The following SESTD1 variants were observed in gnomAD, a reference collection of about 807,000 sequenced individuals.
SESTD1 encodes SEC14 domain and spectrin repeat-containing protein 1.
Under a neutral mutation model 101.7 loss-of-function variants are expected in SESTD1, and 43 were observed. The observed-to-expected ratio is 0.42, with a 90% CI of 0.33 to 0.55. SESTD1 has a LOEUF of 0.55. Ranked by LOEUF, SESTD1 falls within the 20% of genes least tolerant of loss-of-function variation. The pLI is 0.07. For missense variants in SESTD1, 647 were observed against 815.1 expected (o/e 0.79, Z 2.51); for synonymous variants, 283 against 286.8 (o/e 0.99, Z 0.13).
chr2:179,148,359 A>G (rs749354288), intron 7 of SESTD1, among the ~76,000 whole-genome samples: 3 of 152,202 alleles, frequency 2.0e-5, no homozygotes, highest in Non-Finnish European at 4.4e-5. Flanking sequence ...TTTGCTTGCT[A>G]AAGTGCTTTT....
At chr2:179,227,077 GA>G (rs2046898066) in intron 1 of SESTD1, among the ~76,000 whole-genome samples, 1 of 152,188 alleles carries the variant, frequency 6.6e-6, no homozygotes, top group Non-Finnish European at 1.5e-5. Context: ...TATGAATGAA[GA>G]GGGGCACTTT....
chr2:179,216,068 A>T (rs561635171), intron 1 of SESTD1, among the ~76,000 whole-genome samples: 1 of 135,326 alleles, frequency 7.4e-6, no homozygotes, highest in East Asian at 2.0e-4. Context: ...CCCCTTTGAA[A>T]ACCTGCACAA....
At chr2:179,122,197 A>G (rs775813880) in intron 12 of SESTD1, among the ~76,000 whole-genome samples, 5 of 152,228 alleles carry the variant, frequency 3.3e-5, no homozygotes, top group Non-Finnish European at 5.9e-5. Flanking sequence ...GACAATAATT[A>G]CTTTTAAAAA....
chr2:179,182,269 C>T (rs187178012), intron 3 of SESTD1, among the ~76,000 whole-genome samples: 48 of 152,230 alleles, frequency 3.2e-4, no homozygotes, highest in Middle Eastern at 3.4e-3. Context: ...AACACACACA[C>T]ACACACACAG....
intron 1 of SESTD1, among the ~76,000 whole-genome samples, chr2:179,200,171 A>G (rs543192645): frequency 7.6e-4 from 116 of 151,998 alleles, no homozygotes; most frequent in African/African-American, 2.6e-3. Context: ...CCCATTCACA[A>G]TTGCTTCAAA....
At chr2:179,119,287 T>C (rs1412528301) in intron 13 of SESTD1, among the ~76,000 whole-genome samples, 2 of 152,164 alleles carry the variant, frequency 1.3e-5, no homozygotes, top group African/African-American at 4.8e-5. Flanking sequence ...ACCTGGACAT[T>C]TGATTAAGCT....
intron 1 of SESTD1, among the ~76,000 whole-genome samples, chr2:179,220,234 C>G (rs921580961): frequency 4.6e-5 from 7 of 152,152 alleles, no homozygotes; most frequent in Non-Finnish European, 8.8e-5. Context: ...TCTACCAAAC[C>G]CTTATCAACA....
intron 1 of SESTD1, among the ~76,000 whole-genome samples, chr2:179,245,516 A>C (rs1466951535): frequency 1.9e-4 from 10 of 53,192 alleles, no homozygotes; most frequent in Non-Finnish European, 3.3e-4. Flanking sequence ...ACTCTGTCTC[A>C]AAAAAAAAAA....
intron 5 of SESTD1, among the ~76,000 whole-genome samples, chr2:179,171,478 G>A (rs1425135089): frequency 6.6e-6 from 1 of 152,112 alleles, no homozygotes; most frequent in East Asian, 1.9e-4. Context: ...GTTGGAGTTA[G>A]TCTTTGTATT....
chr2:179,199,099 G>A (rs928944225), intron 1 of SESTD1, among the ~76,000 whole-genome samples: 16 of 151,928 alleles, frequency 1.1e-4, no homozygotes, highest in South Asian at 8.3e-4. Flanking sequence ...TCAAATAGAC[G>A]CAATAAAAAA....
At position 179,102,346 on chromosome 2, in the gene SESTD1, C is replaced by T. The variant is rs571257772; in HGVS notation, c.*7553G>A. On this transcript the variant is annotated 3_prime_UTR_variant, in exon 18 of 18. Transcript: ENST00000428443. ...CTGTTAGAAACAATTTAAACCTTTA[C>T]AAAAAATAACTCAAATTGATTCAAA... 6.6e-6 allele frequency: 1 copy of T among 152,094 alleles called. No homozygotes were observed. The highest frequency in any genetic ancestry group is 6.5e-5 in the Admixed American group (1 of 15,268). The allele number at this position is 152,094 out of a possible 1,614,324, so 9.4% of individuals were successfully genotyped here.
At chr2:179,192,086 C>A (rs2046327878) in intron 1 of SESTD1, among the ~76,000 whole-genome samples, 2 of 152,146 alleles carry the variant, frequency 1.3e-5, no homozygotes, top group African/African-American at 4.8e-5. Context: ...CCTCCCTTTC[C>A]CAGCTGTGAC....
rs2044378759 is a variant in SESTD1, at chr2:179,106,203, T to C, written c.*3696A>G. 2 of 152,170 alleles carry C rather than the reference T, an allele frequency of 1.3e-5. No individual in the cohort carries two copies. Among genetic ancestry groups the C allele is most frequent in the African/African-American group, 2.4e-5 (1 of 41,456 alleles). 9.4% of individuals were successfully genotyped at this position (152,170 alleles called of 1,614,324 possible). On this transcript the variant is annotated 3_prime_UTR_variant, in exon 18 of 18. Coordinates refer to ENST00000428443, the MANE Select transcript of SESTD1 (RefSeq NM_178123.5). ...GATATCCTAATCATACAGATCTCAC[T>C]ACTGATGATAATATACTTAATGGTG...
intron 1 of SESTD1, among the ~76,000 whole-genome samples, chr2:179,236,192 GAGTAATTATATGT>G (rs967169004): frequency 1.3e-5 from 2 of 151,800 alleles, no homozygotes; most frequent in African/African-American, 4.8e-5. Context: ...TTATTACAAT[GAGTAATTATATGT>G]AGCCAGGTGT....
intron 7 of SESTD1, among the ~76,000 whole-genome samples, chr2:179,148,445 T>C: frequency 6.6e-6 from 1 of 152,230 alleles, no homozygotes; most frequent in South Asian, 2.1e-4. Flanking sequence ...GGGAAATCTG[T>C]TAACATGATA....
intron 8 of SESTD1, among the ~76,000 whole-genome samples, chr2:179,146,198 G>A (rs2045392373): frequency 6.6e-6 from 1 of 152,006 alleles, no homozygotes; most frequent in Non-Finnish European, 1.5e-5. Flanking sequence ...GATGATCTGA[G>A]GTGGAACAGT....
At chr2:179,244,435 G>A (rs561695600) in intron 1 of SESTD1, among the ~76,000 whole-genome samples, 2 of 151,668 alleles carry the variant, frequency 1.3e-5, no homozygotes, top group African/African-American at 4.9e-5. Context: ...CTACAGCCTG[G>A]GAGATACAGT....
intron 1 of SESTD1, among the ~76,000 whole-genome samples, chr2:179,214,292 T>C (rs368503865): frequency 7.5e-6 from 1 of 133,660 alleles, no homozygotes; most frequent in Non-Finnish European, 1.6e-5. Flanking sequence ...GAAGATCTAC[T>C]AAGCAAATGG....
chr2:179,150,274 G>A (rs1455140214), intron 6 of SESTD1, among the ~76,000 whole-genome samples: 2 of 151,670 alleles, frequency 1.3e-5, no homozygotes, highest in African/African-American at 4.9e-5. Flanking sequence ...ATAACCAAAA[G>A]TTCACCATTC....
Sources: allele counts gnomAD v4.1 joint callset (sites outside exome capture counted in the v4.1 genomes callset), GRCh38; gene constraint gnomAD v4.1.1; transcripts MANE v1.5; gene names NCBI Gene and HGNC (gene_info 2026-07-23, HGNC 2026-07-21).